Variants in MAP2K4 observed in about 807,000 individuals in gnomAD.
MAP2K4 encodes the protein dual specificity mitogen-activated protein kinase kinase 4.
In MAP2K4, 4 loss-of-function variants were observed where a neutral mutation model predicts 48.5. The ratio of observed to expected loss-of-function variants is 0.08; its 90% CI spans 0.04 to 0.19. The LOEUF is 0.19. Ranked by LOEUF, MAP2K4 falls within the 10% of genes least tolerant of loss-of-function variation. The probability of loss-of-function intolerance (pLI) is 1.00; values close to 1 mark genes in which losing one functional copy is unlikely to be tolerated. For synonymous variants in MAP2K4, 166 were observed against 173.1 expected, an observed-to-expected ratio of 0.96 and a Z score of 0.32; for missense variants, 258 against 493.3, an observed-to-expected ratio of 0.52 and a Z score of 4.52.
intron 2 of MAP2K4, among the ~76,000 whole-genome samples, chr17:12,057,567 T>A (rs1970320730): frequency 6.6e-6 from 1 of 152,224 alleles, no homozygotes; most frequent in Non-Finnish European, 1.5e-5. Context: ...TCAAGATTCA[T>A]GTATCTCTTT....
At chr17:12,135,837 A>G (rs1342335960) in intron 9 of MAP2K4, among the ~76,000 whole-genome samples, 4 of 152,228 alleles carry the variant, frequency 2.6e-5, no homozygotes, top group Non-Finnish European at 4.4e-5. Context: ...GGGGTGAACC[A>G]TCGTGCCCCA....
At chr17:12,090,760 A>C (rs1003943032) in intron 3 of MAP2K4, among the ~76,000 whole-genome samples, 4 of 152,238 alleles carry the variant, frequency 2.6e-5, no homozygotes, top group Non-Finnish European at 4.4e-5. Flanking sequence ...TCTGAGTAAG[A>C]AGGGAATAAA....
chr17:12,134,926 T>C (rs1567676684), intron 9 of MAP2K4, among the ~76,000 whole-genome samples: 1 of 152,080 alleles, frequency 6.6e-6, no homozygotes, highest in Admixed American at 6.6e-5. Context: ...TGAGATAGGG[T>C]CTCACTCACT....
At chr17:12,036,552 A>G (rs1362076487) in intron 1 of MAP2K4, 1 of 152,206 alleles carries the variant, frequency 6.6e-6, no homozygotes, top group Non-Finnish European at 1.5e-5. Flanking sequence ...CAAAAAAATC[A>G]TTCTTCCAAA....
rs1462414385 is a variant in MAP2K4 at position 12,020,922 on chromosome 17, CG to C, written c.41del (p.Gly14AlafsTer11). 1.6e-6 allele frequency: 2 copies of C among 1,217,602 alleles called. No homozygotes were observed. Among genetic ancestry groups the C allele is most frequent in the Non-Finnish European group, 2.0e-6 (2 of 978,962 alleles). 75.4% of individuals were successfully genotyped at this position (1,217,602 alleles called of 1,614,324 possible). A position where few individuals can be genotyped will look rare whatever the true frequency, so the allele number is the denominator to read the frequency against. On this transcript the variant is annotated frameshift_variant, in exon 1 of 11. Coordinates refer to ENST00000353533, the MANE Select transcript of MAP2K4 (RefSeq NM_003010.4). LOFTEE classifies it high-confidence loss of function. Reference sequence around the variant, plus strand: ...CGAGCCCGAGCGGCGGCGGCGGCTCCGGGGGCGGCAGCGGCAGCGGCACCCC... The same window carrying C: ...CGAGCCCGAGCGGCGGCGGCGGCTCCGGGGCGGCAGCGGCAGCGGCACCCC... ...APSPSGGGGS[G>X]GGSGSGTPGP... is the part of the protein sequence containing the mutation.
Position 12,126,297 on chromosome 17 carries a change from C to T in MAP2K4, c.891+926C>T, listed in dbSNP as rs187748139. Among the ~76,000 whole-genome samples the T allele has an allele frequency of 3.7e-3, 562 of 152,258 alleles. 3 individuals are homozygous for T. Among genetic ancestry groups the T allele is most frequent in the Non-Finnish European group, 7.0e-3 (478 of 68,004 alleles). ...AGCTACTTAATTTGCAACAAGCAAG[C>T]GCAATTATATAAACTCTTCTTTCTT... On this transcript the variant is annotated intron_variant, in intron 8 of 10. Transcript: ENST00000353533.
At chr17:12,074,008 G>A (rs949080111) in intron 2 of MAP2K4, among the ~76,000 whole-genome samples, 1 of 152,040 alleles carries the variant, frequency 6.6e-6, no homozygotes. Context: ...TCCCGACCTC[G>A]TGATTCGCCC....
At chr17:12,023,501 C>T (rs1969160032) in intron 1 of MAP2K4, among the ~76,000 whole-genome samples, 1 of 152,104 alleles carries the variant, frequency 6.6e-6, no homozygotes, top group African/African-American at 2.4e-5. Context: ...ATTATACTTG[C>T]CACTCAAAAA....
At chr17:12,082,010 C>T (rs1184655593) in intron 3 of MAP2K4, 2 of 518,470 alleles carry the variant, frequency 3.9e-6, no homozygotes, top group African/African-American at 3.9e-5. Flanking sequence ...ACCGGCTCGG[C>T]TTCTGTTTGT....
chr17:12,024,659 A>G (rs1287888562), intron 1 of MAP2K4, among the ~76,000 whole-genome samples: 1 of 152,206 alleles, frequency 6.6e-6, no homozygotes, highest in Non-Finnish European at 1.5e-5. Context: ...CTACTCTGAG[A>G]AATGTTTTTA....
intron 9 of MAP2K4, among the ~76,000 whole-genome samples, chr17:12,136,084 G>T (rs1973198404): frequency 6.6e-6 from 1 of 152,154 alleles, no homozygotes; most frequent in Non-Finnish European, 1.5e-5. Context: ...TGGTTGGAAA[G>T]ATATGCTCCT....
intron 6 of MAP2K4, chr17:12,110,856 G>T (rs1348443937): frequency 6.3e-6 from 1 of 159,758 alleles, no homozygotes; most frequent in African/African-American, 2.4e-5. Context: ...TAAATTGAGA[G>T]AAATCTTTTA....
intron 1 of MAP2K4, chr17:12,021,404 CT>C (rs901058983): frequency 6.6e-5 from 10 of 152,448 alleles, no homozygotes; most frequent in African/African-American, 1.7e-4. Context: ...GGCCTGCCCC[CT>C]GGTCCCTGAC....
rs28921670 is a variant in MAP2K4 at position 12,043,919 on chromosome 17, G to A, written c.116-10970G>A. Among the ~76,000 whole-genome samples the A allele has an allele frequency of 6.3e-3, 956 of 152,160 alleles. 11 individuals are homozygous for A. Among genetic ancestry groups the A allele is most frequent in the African/African-American group, 0.022 (906 of 41,500 alleles). ...TTCACCTTCCTGGAGGTGTGTGTAT[G>A]GGGGCGTGGCAGCTGAAAGTTTTAA... On this transcript the variant is annotated intron_variant, in intron 1 of 10. Transcript: ENST00000353533.
chr17:12,076,279 CTGTGTGTGTG>C (rs372806903), intron 2 of MAP2K4, among the ~76,000 whole-genome samples: 322 of 135,252 alleles, frequency 2.4e-3, no homozygotes, highest in African/African-American at 5.9e-3. Flanking sequence ...TGTCACAGTT[CTGTGTGTGTG>C]TGTGTGTGTG....
chr17:12,094,763 T>C (rs1364180009), intron 3 of MAP2K4, among the ~76,000 whole-genome samples: 1 of 152,170 alleles, frequency 6.6e-6, no homozygotes, highest in Non-Finnish European at 1.5e-5. Flanking sequence ...TGGCAGTCTC[T>C]TAGAAATGTG....
chr17:12,070,282 T>C (rs1970761233), intron 2 of MAP2K4, among the ~76,000 whole-genome samples: 1 of 152,020 alleles, frequency 6.6e-6, no homozygotes, highest in African/African-American at 2.4e-5. Context: ...GAAAAAGAAA[T>C]CTGTTAAGAT....
intron 1 of MAP2K4, among the ~76,000 whole-genome samples, chr17:12,030,624 A>G (rs1248478346): frequency 1.3e-5 from 2 of 152,132 alleles, no homozygotes; most frequent in African/African-American, 2.4e-5. Flanking sequence ...TTTTTAATAT[A>G]TTATACACTT....
At chr17:12,034,628 C>A (rs1164013190) in intron 1 of MAP2K4, among the ~76,000 whole-genome samples, 1 of 152,180 alleles carries the variant, frequency 6.6e-6, no homozygotes, top group Non-Finnish European at 1.5e-5. Flanking sequence ...GGAATAGGCC[C>A]CTGCCGTTAG....
Sources: allele counts gnomAD v4.1 joint callset (sites outside exome capture counted in the v4.1 genomes callset), GRCh38; gene constraint gnomAD v4.1.1; transcripts MANE v1.5; gene names NCBI Gene and HGNC (gene_info 2026-07-23, HGNC 2026-07-21).